Variants in PSD3 observed in about 807,000 individuals in gnomAD.
The protein encoded by PSD3 is pleckstrin and Sec7 domain containing 3.
A neutral mutation model predicts 105.5 loss-of-function variants in PSD3; 49 were observed. That is an observed-to-expected ratio of 0.46 (90% CI 0.37 to 0.59). The LOEUF is 0.59. Among genes scored for constraint, PSD3 ranks in the 20% least tolerant of loss-of-function variants. The pLI is 0.00. For missense variants in PSD3, 1,561 were observed against 1,263.8 expected, an observed-to-expected ratio of 1.24 and a Z score of -3.57; for synonymous variants, 557 against 457.8, an observed-to-expected ratio of 1.22 and a Z score of -2.77.
intron 2 of PSD3, among the ~76,000 whole-genome samples, chr8:18,876,103 T>C (rs989686802): frequency 2.0e-5 from 3 of 152,084 alleles, no homozygotes; most frequent in Admixed American, 2.0e-4. Context: ...ATTTTTTACA[T>C]GTAAAGAGAG....
intron 8 of PSD3, among the ~76,000 whole-genome samples, chr8:18,777,659 T>A (rs915417354): frequency 1.3e-5 from 2 of 152,224 alleles, no homozygotes; most frequent in African/African-American, 4.8e-5. Flanking sequence ...ATTTACTACA[T>A]CTCTGTGTTG....
At chr8:18,679,154 G>C (rs1274618833) in intron 9 of PSD3, among the ~76,000 whole-genome samples, 2 of 152,200 alleles carry the variant, frequency 1.3e-5, no homozygotes, top group African/African-American at 4.8e-5. Flanking sequence ...AAGAGCAAAA[G>C]TGGTCTAGGA....
At chr8:18,781,963 G>C (rs1808678617) in intron 8 of PSD3, among the ~76,000 whole-genome samples, 1 of 151,882 alleles carries the variant, frequency 6.6e-6, no homozygotes, top group African/African-American at 2.4e-5. Context: ...GCTTGATCTA[G>C]AGTCTGTTAT....
intron 1 of PSD3, among the ~76,000 whole-genome samples, chr8:18,949,520 T>C (rs187548920): frequency 1.3e-5 from 2 of 151,956 alleles, no homozygotes; most frequent in African/African-American, 4.8e-5. Flanking sequence ...AAGAAATACA[T>C]GTCCCACTTA....
At chr8:18,772,754 C>T (rs1298023040) in intron 8 of PSD3, among the ~76,000 whole-genome samples, 2 of 152,150 alleles carry the variant, frequency 1.3e-5, no homozygotes, top group South Asian at 2.1e-4. Context: ...AGGTGATCTG[C>T]CCACCTTGGC....
chr8:18,773,101 A>C (rs1400901979), intron 8 of PSD3, among the ~76,000 whole-genome samples: 1 of 152,174 alleles, frequency 6.6e-6, no homozygotes, highest in Non-Finnish European at 1.5e-5. Context: ...CACATACAAT[A>C]ACGTGATGTT....
chr8:19,042,121 C>A (rs1326122183), intron 1 of PSD3, among the ~76,000 whole-genome samples: 1 of 152,072 alleles, frequency 6.6e-6, no homozygotes, highest in African/African-American at 2.4e-5. Context: ...TGAGAAACAG[C>A]TGAATGAACA....
intron 9 of PSD3, among the ~76,000 whole-genome samples, chr8:18,722,764 C>G (rs1228089127): frequency 2.0e-5 from 3 of 152,260 alleles, no homozygotes; most frequent in Non-Finnish European, 4.4e-5. Flanking sequence ...ACCAGCGCCC[C>G]CTTCCATCTG....
At chr8:18,911,456 C>T (rs1586399644) in intron 2 of PSD3, among the ~76,000 whole-genome samples, 1 of 152,216 alleles carries the variant, frequency 6.6e-6, no homozygotes, top group Non-Finnish European at 1.5e-5. Flanking sequence ...AGACCCGTGA[C>T]TTCCTTGCTG....
chr8:18,844,598 A>G (rs1814924898), intron 4 of PSD3, among the ~76,000 whole-genome samples: 1 of 152,188 alleles, frequency 6.6e-6, no homozygotes, highest in Non-Finnish European at 1.5e-5. Flanking sequence ...ATGCTAAAAA[A>G]GAAAAAAAAA....
chr8:19,026,701 CAAAAAAAA>C (rs10669321), intron 1 of PSD3, among the ~76,000 whole-genome samples: 1,340 of 82,254 alleles, frequency 0.016, 23 homozygotes, highest in African/African-American at 0.051. Context: ...CACATCTCTA[CAAAAAAAA>C]AAAAAAAAAA....
At chr8:18,840,263 G>C (rs1426895601) in intron 4 of PSD3, among the ~76,000 whole-genome samples, 1 of 151,970 alleles carries the variant, frequency 6.6e-6, no homozygotes, top group Non-Finnish European at 1.5e-5. Context: ...TGAGTAATAG[G>C]TGGGGAAGTT....
At chr8:18,868,475 A>T (rs1194288921) in intron 3 of PSD3, among the ~76,000 whole-genome samples, 2 of 152,170 alleles carry the variant, frequency 1.3e-5, no homozygotes, top group African/African-American at 4.8e-5. Context: ...GTAAAAATAC[A>T]CCAAACTTTC....
chr8:18,556,817 A>AAG (rs1240581682), intron 14 of PSD3, among the ~76,000 whole-genome samples: 1 of 152,240 alleles, frequency 6.6e-6, no homozygotes, highest in Non-Finnish European at 1.5e-5. Flanking sequence ...TCCTTTTTGA[A>AAG]AGAAGCAGAG....
In PSD3 at chr8:18,916,406, A is replaced by G. The variant is rs1586416503; in HGVS notation, c.130+19628T>C. 2.7e-5 allele frequency among the ~76,000 whole-genome samples: 4 copies of G among 148,664 alleles called. 1 individual carries two copies. The Middle Eastern group carries it at 0.014, about 527-fold the overall frequency. On this transcript the variant is annotated intron_variant, in intron 2 of 15. Transcript: ENST00000327040. Reference sequence around the variant, plus strand: ...CAGAATACTATACAGCCTTAAAAATAAAGAAGAAAATCCCATCATTTGTGA... The same window carrying G: ...CAGAATACTATACAGCCTTAAAAATGAAGAAGAAAATCCCATCATTTGTGA...
rs563047065 is a variant in PSD3 at position 18,628,398 on chromosome 8, G to C, written c.2410+4215C>G. On this transcript the variant is annotated intron_variant, in intron 11 of 15. Transcript: ENST00000327040. ...ATAAGAATGATAGGAGACTTTTTTT[G>C]TCTGAAATCCTGCAGGGCAGGGAAA... Among the ~76,000 whole-genome samples, 9 of 150,964 alleles carry C rather than the reference G, an allele frequency of 6.0e-5. No homozygotes were observed. In the East Asian group the frequency reaches 1.8e-3, roughly 29 times the overall value.
intron 1 of PSD3, among the ~76,000 whole-genome samples, chr8:19,071,595 A>C (rs908972135): frequency 6.6e-6 from 1 of 152,150 alleles, no homozygotes; most frequent in Non-Finnish European, 1.5e-5. Context: ...ACCCTGATGA[A>C]CCCGGGGAGC....
At chr8:18,736,103 T>C (rs1283323190) in intron 9 of PSD3, among the ~76,000 whole-genome samples, 1 of 152,218 alleles carries the variant, frequency 6.6e-6, no homozygotes, top group Admixed American at 6.5e-5. Flanking sequence ...ACATCTCCTA[T>C]GCTACAGTTT....
intron 2 of PSD3, among the ~76,000 whole-genome samples, chr8:18,905,931 G>C (rs923150340): frequency 6.6e-6 from 1 of 152,028 alleles, no homozygotes; most frequent in Non-Finnish European, 1.5e-5. Flanking sequence ...AGTATAAATT[G>C]GTTCTTTGAT....
Sources: allele counts gnomAD v4.1 joint callset (sites outside exome capture counted in the v4.1 genomes callset), GRCh38; gene constraint gnomAD v4.1.1; transcripts MANE v1.5; gene names NCBI Gene and HGNC (gene_info 2026-07-23, HGNC 2026-07-21).